SMPD3: variants seen among roughly 807,000 people sequenced by gnomAD.
SMPD3 encodes nSMase-2.
In SMPD3, 21 loss-of-function variants were observed where a neutral mutation model predicts 55.7. The observed-to-expected ratio is 0.38, with a 90% CI of 0.27 to 0.54. The LOEUF is 0.54. SMPD3 is among the 20% of genes least tolerant of loss of function. SMPD3 has a pLI of 0.80. For missense variants in SMPD3, 842 were observed against 899.6 expected (o/e 0.94, Z 0.82); for synonymous variants, 457 against 404.3 (o/e 1.13, Z -1.56).
At chr16:68,414,637 C>A (rs2090325829) in intron 1 of SMPD3, among the ~76,000 whole-genome samples, 6 of 152,232 alleles carry the variant, frequency 3.9e-5, no homozygotes, top group Admixed American at 3.9e-4. Context: ...ATGGCATGCA[C>A]AAAGACTTGT....
chr16:68,448,121 A>AC (rs1032871496), intron 1 of SMPD3, among the ~76,000 whole-genome samples: 3 of 151,474 alleles, frequency 2.0e-5, no homozygotes, highest in African/African-American at 7.3e-5. Flanking sequence ...GGTGGGGGTG[A>AC]CCCCCAGCCC....
At chr16:68,377,513 CG>C (rs1330728260) in intron 2 of SMPD3, among the ~76,000 whole-genome samples, 1 of 152,194 alleles carries the variant, frequency 6.6e-6, no homozygotes, top group Non-Finnish European at 1.5e-5. Context: ...CATCACGGCA[CG>C]GACAGTGGGA....
intron 1 of SMPD3, among the ~76,000 whole-genome samples, chr16:68,388,761 T>A (rs2090084865): frequency 6.6e-6 from 1 of 152,060 alleles, no homozygotes; most frequent in Non-Finnish European, 1.5e-5. Context: ...AAATGGAATC[T>A]CGACAACCTT....
At chr16:68,393,191 G>A (rs891976439) in intron 1 of SMPD3, among the ~76,000 whole-genome samples, 3 of 152,150 alleles carry the variant, frequency 2.0e-5, no homozygotes, top group Non-Finnish European at 4.4e-5. Flanking sequence ...GATCTCTTGA[G>A]GTCAGGAGTT....
intron 1 of SMPD3, among the ~76,000 whole-genome samples, chr16:68,395,210 A>C (rs2090145154): frequency 6.6e-6 from 1 of 152,114 alleles, no homozygotes; most frequent in South Asian, 2.1e-4. Context: ...TGATTGAGCA[A>C]CTAATTAGCT....
intron 1 of SMPD3, among the ~76,000 whole-genome samples, chr16:68,446,277 G>A (rs969705963): frequency 1.3e-5 from 2 of 152,202 alleles, no homozygotes; most frequent in Admixed American, 6.5e-5. Flanking sequence ...GGCTGAAGAA[G>A]GCTCCACATA....
At chr16:68,427,994 GTGGATC>G (rs920001415) in intron 1 of SMPD3, among the ~76,000 whole-genome samples, 5 of 152,110 alleles carry the variant, frequency 3.3e-5, no homozygotes, top group African/African-American at 1.2e-4. Flanking sequence ...ATGCCACTTA[GTGGATC>G]TACCCACAGG....
intron 7 of SMPD3, 133 bp from the exon 8 acceptor site, chr16:68,361,892 C>T (rs547538466): frequency 1.4e-5 from 19 of 1,333,148 alleles, no homozygotes; most frequent in East Asian, 7.6e-5. Flanking sequence ...GGTTTAAGAT[C>T]TCTCCCCTGC....
At chr16:68,379,662 G>A (rs998011049) in intron 2 of SMPD3, among the ~76,000 whole-genome samples, 4 of 152,194 alleles carry the variant, frequency 2.6e-5, no homozygotes, top group Admixed American at 2.6e-4. Flanking sequence ...TCTGTTGTGG[G>A]CTGCTTGTGC....
intron 1 of SMPD3, among the ~76,000 whole-genome samples, chr16:68,410,024 C>T (rs1162628898): frequency 6.6e-6 from 1 of 152,240 alleles, no homozygotes; most frequent in East Asian, 1.9e-4. Flanking sequence ...TGTGGGCAAG[C>T]CCCAGGGCCT....
At chr16:68,414,483 G>C (rs1284321192) in intron 1 of SMPD3, among the ~76,000 whole-genome samples, 1 of 152,236 alleles carries the variant, frequency 6.6e-6, no homozygotes, top group Non-Finnish European at 1.5e-5. Flanking sequence ...TAGAGGAGGG[G>C]GTTTGGGAGA....
intron 1 of SMPD3, among the ~76,000 whole-genome samples, chr16:68,397,083 C>A (rs905428743): frequency 2.6e-5 from 4 of 152,182 alleles, no homozygotes; most frequent in Non-Finnish European, 4.4e-5. Context: ...GCATAAGTGA[C>A]TTGCTCAGTC....
At position 68,360,135 on chromosome 16, in the gene SMPD3, GGGCAGGCAGGGGTTCCTGAGCTCAGCC is replaced by G. The variant is rs2089160989; in HGVS notation, c.*1044_*1070del. 6.6e-6 allele frequency: 1 copy of G among 152,648 alleles called. No individual in the cohort carries two copies. Among genetic ancestry groups the G allele is most frequent in the African/African-American group, 2.4e-5 (1 of 41,472 alleles). The allele number at this position is 152,648 out of a possible 1,614,324, so 9.5% of individuals were successfully genotyped here. A position where few individuals can be genotyped will look rare whatever the true frequency, so the allele number is the denominator to read the frequency against. On this transcript the variant is annotated 3_prime_UTR_variant, in exon 9 of 9. Transcript: ENST00000219334. Reference sequence around the variant, plus strand: ...GGCCAGAGCCGCAGCCCCACCCGGGGGGCAGGCAGGGGTTCCTGAGCTCAGCCGGCACGCAGGTGGGGCACGTCCCCA... The same window carrying G: ...GGCCAGAGCCGCAGCCCCACCCGGGGGGCACGCAGGTGGGGCACGTCCCCA...
chr16:68,438,106 G>C (rs1006604357), intron 1 of SMPD3, among the ~76,000 whole-genome samples: 2 of 152,136 alleles, frequency 1.3e-5, no homozygotes, highest in Admixed American at 1.3e-4. Flanking sequence ...ATGAACCAAA[G>C]GATACTATTG....
chr16:68,382,469 C>A (rs1210346359), intron 2 of SMPD3, among the ~76,000 whole-genome samples: 1 of 152,200 alleles, frequency 6.6e-6, no homozygotes, highest in Non-Finnish European at 1.5e-5. Flanking sequence ...TATTGCACGG[C>A]AAGGGCCTAG....
chr16:68,423,548 G>T (rs2090413328), intron 1 of SMPD3, among the ~76,000 whole-genome samples: 1 of 152,092 alleles, frequency 6.6e-6, no homozygotes, highest in Non-Finnish European at 1.5e-5. Flanking sequence ...CCTTGATCTT[G>T]GACTTCCCAG....
intron 1 of SMPD3, among the ~76,000 whole-genome samples, chr16:68,442,485 C>T (rs2090574345): frequency 1.3e-5 from 2 of 152,182 alleles, no homozygotes; most frequent in African/African-American, 4.8e-5. Flanking sequence ...TTTTTGTAGG[C>T]ACAAGAAATG....
At chr16:68,381,336 A>G (rs2089947533) in intron 2 of SMPD3, among the ~76,000 whole-genome samples, 1 of 152,166 alleles carries the variant, frequency 6.6e-6, no homozygotes, top group Admixed American at 6.5e-5. Context: ...TTGAGAGAGG[A>G]TGCCCCAGCT....
chr16:68,373,035 T>C (rs573890644), intron 2 of SMPD3, among the ~76,000 whole-genome samples: 6 of 152,344 alleles, frequency 3.9e-5, no homozygotes, highest in South Asian at 4.1e-4. Flanking sequence ...TCCACTCCAC[T>C]GACCGCGGGA....
Sources: gnomAD v4.1 joint callset for allele counts (sites outside exome capture counted in the v4.1 genomes callset) on GRCh38, gnomAD v4.1.1 for gene constraint, MANE v1.5 for transcripts, NCBI Gene and HGNC (gene_info 2026-07-23, HGNC 2026-07-21) for gene names.